The following NBAS variants were observed in gnomAD, a reference collection of about 807,000 sequenced individuals.
NBAS encodes NAG/BC035112 fusion.
A neutral mutation model predicts 302.5 loss-of-function variants in NBAS; 219 were observed. The observed-to-expected ratio is 0.72, with a 90% CI of 0.65 to 0.81. The LOEUF (loss-of-function observed/expected upper bound fraction) is 0.81. Ranked by LOEUF, NBAS falls within the 30% of genes least tolerant of loss-of-function variation. NBAS has a pLI of 0.00. For synonymous variants in NBAS, 1,118 were observed against 1,021.6 expected (o/e 1.09, Z -1.80); for missense variants, 2,932 against 2,841.6 (o/e 1.03, Z -0.72).
chr2:14,876,244 T>G, the NBAS span, among the ~76,000 whole-genome samples: 3 of 152,210 alleles, frequency 2.0e-5, no homozygotes. Flanking sequence ...CTAATGTAAA[T>G]TTTCCTTTAA....
At chr2:15,015,936 G>T in the NBAS span, among the ~76,000 whole-genome samples, 36 of 151,888 alleles carry the variant, frequency 2.4e-4, no homozygotes, top group African/African-American at 8.2e-4. Flanking sequence ...TAAAGTTGCA[G>T]GATACAAAAT....
At chr2:15,470,819 G>A (rs1572897317) in intron 16 of NBAS, among the ~76,000 whole-genome samples, 1 of 152,186 alleles carries the variant, frequency 6.6e-6, no homozygotes, top group African/African-American at 2.4e-5. Flanking sequence ...AATTAGCCAG[G>A]TGTGGTGTTG....
chr2:15,059,976 CAAAA>C, the NBAS span, among the ~76,000 whole-genome samples: 2 of 64,168 alleles, frequency 3.1e-5, no homozygotes, highest in Non-Finnish European at 3.3e-5. Context: ...AAAAAAAAAA[CAAAA>C]AAAAAAACAC....
chr2:15,114,997 T>C, the NBAS span, among the ~76,000 whole-genome samples: 3 of 152,228 alleles, frequency 2.0e-5, no homozygotes, highest in Non-Finnish European at 4.4e-5. Context: ...ATGCCTGTCA[T>C]GTAAGCATGG....
In NBAS at chr2:15,486,480, T is replaced by G. The variant is rs371157825; in HGVS notation, c.1083+2414A>C. Reference sequence around the variant, plus strand: ...TGGAATCAAAGCCACATCCACAAAATGGATGCTCAACAGCCAAGCTACACA... The same window carrying G: ...TGGAATCAAAGCCACATCCACAAAAGGGATGCTCAACAGCCAAGCTACACA... On this transcript the variant is annotated intron_variant, in intron 12 of 51. Transcript: ENST00000281513. Among the ~76,000 whole-genome samples, 5 of 152,296 alleles carry G rather than the reference T, an allele frequency of 3.3e-5. No homozygotes were observed. In the East Asian group the frequency reaches 9.7e-4, roughly 29 times the overall value.
chr2:14,933,693 T>C, the NBAS span, among the ~76,000 whole-genome samples: 1 of 152,118 alleles, frequency 6.6e-6, no homozygotes, highest in Non-Finnish European at 1.5e-5. Context: ...TGAGCAGATT[T>C]GATGGGAATT....
Position 15,424,375 on chromosome 2 carries a change from C to T in NBAS, c.2517G>A (p.Val839=). ...TCTGATACCAGTCCATAACCTTCTCCACCGTAAGCTGGGTCATCCTGAACC... is the reference window on the plus strand; with the variant it reads ...TCTGATACCAGTCCATAACCTTCTCTACCGTAAGCTGGGTCATCCTGAACC... ...LLRFRMTQLT[V]EKVMDWYQTR... is the part of the protein sequence containing the mutation. Residue 839 remains valine (V), a synonymous_variant, in exon 23 of 52, where the codon GTG becomes GTA. Transcript: ENST00000281513. 1.2e-6 allele frequency: 2 copies of T among 1,614,116 alleles called. No individual in the cohort carries two copies.
chr2:14,808,002 A>G, the NBAS span, among the ~76,000 whole-genome samples: 1 of 152,176 alleles, frequency 6.6e-6, no homozygotes, highest in African/African-American at 2.4e-5. Context: ...TTACAGTTTT[A>G]ACACCTTTTT....
chr2:14,997,113 T>C, the NBAS span, among the ~76,000 whole-genome samples: 1 of 151,832 alleles, frequency 6.6e-6, no homozygotes, highest in Non-Finnish European at 1.5e-5. Context: ...TGAGAACTTA[T>C]GGATAAAGGA....
chr2:15,180,601 G>A (rs1664774041), intron 50 of NBAS, among the ~76,000 whole-genome samples: 2 of 152,300 alleles, frequency 1.3e-5, no homozygotes, highest in South Asian at 4.1e-4. Flanking sequence ...TCATGGCAGT[G>A]CTCCCCACCT....
the NBAS span, among the ~76,000 whole-genome samples, chr2:14,994,014 C>A: frequency 6.6e-6 from 1 of 152,138 alleles, no homozygotes; most frequent in African/African-American, 2.4e-5. Flanking sequence ...TTACACAGGA[C>A]TTTTTAAAAA....
At chr2:15,370,423 G>A (rs1243677010) in intron 31 of NBAS, among the ~76,000 whole-genome samples, 1 of 152,132 alleles carries the variant, frequency 6.6e-6, no homozygotes, top group Non-Finnish European at 1.5e-5. Flanking sequence ...ACTCCAAGTA[G>A]CTGGGACTAC....
chr2:15,299,665 C>G (rs188307263), intron 40 of NBAS, among the ~76,000 whole-genome samples: 30 of 152,092 alleles, frequency 2.0e-4, no homozygotes, highest in Admixed American at 2.0e-3. Flanking sequence ...CATTTTTAAC[C>G]GATTTTACCT....
chr2:15,016,570 A>G, the NBAS span, among the ~76,000 whole-genome samples: 2 of 152,256 alleles, frequency 1.3e-5, no homozygotes, highest in Non-Finnish European at 2.9e-5. Context: ...CAGATTCAAT[A>G]CAATCCTTGT....
chr2:15,068,335 G>C, the NBAS span, among the ~76,000 whole-genome samples: 1 of 152,196 alleles, frequency 6.6e-6, no homozygotes, highest in Non-Finnish European at 1.5e-5. Flanking sequence ...TTCAGTGGCA[G>C]CTACAATTAA....
chr2:15,116,384 ACCTTCT>A, the NBAS span, among the ~76,000 whole-genome samples: 2 of 151,472 alleles, frequency 1.3e-5, no homozygotes, highest in African/African-American at 4.9e-5. Context: ...GCAGACAGCC[ACCTTCT>A]CACTGCATCC....
intron 41 of NBAS, among the ~76,000 whole-genome samples, 185 bp from the exon 42 acceptor site, chr2:15,287,368 GT>G (rs1670092591): frequency 6.6e-6 from 1 of 152,200 alleles, no homozygotes; most frequent in African/African-American, 2.4e-5. Context: ...CTTTTTCACT[GT>G]GGTGTATTAC....
chr2:14,863,437 G>T, the NBAS span, among the ~76,000 whole-genome samples: 1 of 152,124 alleles, frequency 6.6e-6, no homozygotes, highest in South Asian at 2.1e-4. Context: ...GGTACATGGT[G>T]GGGAGATCAC....
At chr2:14,872,975 C>G in the NBAS span, among the ~76,000 whole-genome samples, 31 of 152,200 alleles carry the variant, frequency 2.0e-4, no homozygotes, top group African/African-American at 7.2e-4. Flanking sequence ...AGCGCAGACC[C>G]AGTGAGCAGC....
Sources: gnomAD v4.1 joint callset for allele counts (sites outside exome capture counted in the v4.1 genomes callset) on GRCh38, gnomAD v4.1.1 for gene constraint, MANE v1.5 for transcripts, NCBI Gene and HGNC (gene_info 2026-07-23, HGNC 2026-07-21) for gene names.